PRSS23: variants seen among roughly 807,000 people sequenced by gnomAD.
The protein encoded by PRSS23 is protease, serine 23.
PRSS23 carries 25 observed loss-of-function variants against 34.7 expected under a neutral mutation model. The ratio of observed to expected loss-of-function variants is 0.72; its 90% CI spans 0.53 to 1.01. The LOEUF is 1.01. Ranked by LOEUF, PRSS23 falls within the 50% of genes least tolerant of loss-of-function variation. The pLI is 0.00. For missense variants in PRSS23, 445 were observed against 475.6 expected (o/e 0.94, Z 0.60); for synonymous variants, 176 against 186.6 (o/e 0.94, Z 0.46).
At chr11:86,879,270 C>G (rs1370310400) in intron 2 of PRSS23, among the ~76,000 whole-genome samples, 8 of 149,860 alleles carry the variant, frequency 5.3e-5, no homozygotes, top group African/African-American at 2.0e-4. Context: ...CTCTACCCAG[C>G]TGCGACCCCG....
chr11:86,873,222 A>ATATG (rs1948697592), intron 2 of PRSS23, among the ~76,000 whole-genome samples: 2 of 102,946 alleles, frequency 1.9e-5, no homozygotes, highest in African/African-American at 4.9e-5. Flanking sequence ...ACACAGATAT[A>ATATG]TGTATATATA....
chr11:86,861,420 G>A (rs1423582383), intron 2 of PRSS23, among the ~76,000 whole-genome samples: 1 of 151,628 alleles, frequency 6.6e-6, no homozygotes, highest in Non-Finnish European at 1.5e-5. Context: ...TCCCCATATC[G>A]CAGGGGGTGT....
chr11:86,878,082 T>C (rs1948736942), intron 2 of PRSS23, among the ~76,000 whole-genome samples: 1 of 152,176 alleles, frequency 6.6e-6, no homozygotes, highest in South Asian at 2.1e-4. Context: ...TTATATTGTA[T>C]CAAAATTGGA....
chr11:86,847,092 A>G (rs1019473616), intron 2 of PRSS23, among the ~76,000 whole-genome samples: 4 of 152,196 alleles, frequency 2.6e-5, no homozygotes, highest in African/African-American at 9.6e-5. Flanking sequence ...GACACAGGAT[A>G]CTGGTACCAC....
chr11:86,873,469 G>C (rs911237315), intron 2 of PRSS23, among the ~76,000 whole-genome samples: 1 of 151,644 alleles, frequency 6.6e-6, no homozygotes, highest in Non-Finnish European at 1.5e-5. Flanking sequence ...TTTTAGTAGA[G>C]TCGGGGTTTT....
intron 2 of PRSS23, among the ~76,000 whole-genome samples, chr11:86,929,480 T>C (rs1949109218): frequency 6.6e-6 from 1 of 151,664 alleles, no homozygotes; most frequent in Non-Finnish European, 1.5e-5. Flanking sequence ...TCATCTCTAC[T>C]AAAAATACAA....
chr11:86,900,154 T>C (rs1169303690), intron 2 of PRSS23, among the ~76,000 whole-genome samples: 2 of 152,236 alleles, frequency 1.3e-5, no homozygotes, highest in African/African-American at 2.4e-5. Flanking sequence ...CACTTAAGAC[T>C]GGTATCTTGT....
At position 86,952,212 on chromosome 11, in the gene PRSS23, G is replaced by A. The variant is rs375951704; in HGVS notation, c.*927G>A. The A allele has an allele frequency of 1.2e-6, 2 of 1,613,864 alleles. No individual in the cohort carries two copies. The highest frequency in any genetic ancestry group is 2.7e-5 in the African/African-American group (2 of 74,910). On this transcript the variant is annotated 3_prime_UTR_variant, in exon 3 of 3. Coordinates refer to the PRSS23 transcript ENST00000533902. ...TGATCAGAATTGGTTCCCACAGAGT[G>A]ACACTCTTCCCCAGGCTGGATGGGG...
chr11:86,857,584 A>C, intron 2 of PRSS23: 1 of 495,274 alleles, frequency 2.0e-6, no homozygotes, highest in Non-Finnish European at 4.1e-6. Flanking sequence ...CTAAGAAGAC[A>C]CAGAGGTGAG....
At chr11:86,811,518 AAATTTTG>A (rs1392349332), downstream of PRSS23, among the ~76,000 whole-genome samples, 2 of 152,242 alleles carry the variant, frequency 1.3e-5, no homozygotes, top group African/African-American at 4.8e-5. Context: ...ACTTTACTCC[AAATTTTG>A]AATTTTGAAA....
intron 2 of PRSS23, among the ~76,000 whole-genome samples, chr11:86,929,284 T>A (rs1949106584): frequency 7.4e-6 from 1 of 135,654 alleles, no homozygotes. Flanking sequence ...ATCGCGCCAT[T>A]GTACTCCAGC....
At chr11:86,938,284 A>T (rs1173671613) in intron 2 of PRSS23, among the ~76,000 whole-genome samples, 2 of 152,252 alleles carry the variant, frequency 1.3e-5, no homozygotes, top group Non-Finnish European at 2.9e-5. Flanking sequence ...TGTTTGAACT[A>T]GGTTCAGAGG....
chr11:86,952,096 A>G, exon 3 of PRSS23: 1 of 1,614,124 alleles, frequency 6.2e-7, no homozygotes, highest in Admixed American at 1.7e-5. Context: ...CCATCCAGAT[A>G]TCAGTGAACT....
intron 2 of PRSS23, among the ~76,000 whole-genome samples, chr11:86,827,631 A>C (rs1270462289): frequency 6.6e-6 from 1 of 151,932 alleles, no homozygotes; most frequent in Admixed American, 6.6e-5. Context: ...GTGGGCATTT[A>C]GTGCTATAAA....
chr11:86,791,984 C>A (rs899629020), intron 1 of PRSS23, among the ~76,000 whole-genome samples: 13 of 152,192 alleles, frequency 8.5e-5, no homozygotes, highest in African/African-American at 3.1e-4. Flanking sequence ...GATACATTTT[C>A]TAATGAAATC....
chr11:86,832,735 G>C (rs111537332), intron 2 of PRSS23: 1 of 298,992 alleles, frequency 3.3e-6, no homozygotes. Context: ...GAGACCCACA[G>C]GTGGAGAAGG....
Position 86,952,180 on chromosome 11 carries a change from G to A in PRSS23, c.*895G>A, listed in dbSNP as rs201168680. On this transcript the variant is annotated 3_prime_UTR_variant, in exon 3 of 3. Transcript: ENST00000533902. ...CACAGTTCAGGCTCCTTTTCACCCA[G>A]ATGTACTGATCAGAATTGGTTCCCA... The A allele has an allele frequency of 3.8e-4, 618 of 1,613,036 alleles. 4 individuals carry two copies. In the South Asian group the frequency reaches 6.4e-3, roughly 17 times the overall value.
At chr11:86,812,799 A>AAAAG (rs1555069892), downstream of PRSS23, among the ~76,000 whole-genome samples, 1,441 of 150,760 alleles carry the variant, frequency 9.6e-3, 30 homozygotes, top group African/African-American at 0.034. Context: ...AAAAAAAAAA[A>AAAAG]AAAAAGAAAA....
At chr11:86,867,667 C>G (rs1376673819) in intron 2 of PRSS23, among the ~76,000 whole-genome samples, 4 of 152,008 alleles carry the variant, frequency 2.6e-5, no homozygotes, top group African/African-American at 9.7e-5. Context: ...ATTGCTTGAG[C>G]CCAGGAGTTT....
Sources: allele counts gnomAD v4.1 joint callset (sites outside exome capture counted in the v4.1 genomes callset), GRCh38; gene constraint gnomAD v4.1.1; transcripts MANE v1.5; gene names NCBI Gene and HGNC (gene_info 2026-07-23, HGNC 2026-07-21).